The following NCAM1 variants were observed in gnomAD, a reference collection of about 807,000 sequenced individuals.
NCAM1 encodes antigen recognized by monoclonal antibody 5.1H11.
Under a neutral mutation model 109.8 loss-of-function variants are expected in NCAM1, and 14 were observed. That is an observed-to-expected ratio of 0.13 (90% CI 0.08 to 0.20). The LOEUF is 0.20. Ranked by LOEUF, NCAM1 falls within the 10% of genes least tolerant of loss-of-function variation. The pLI is 1.00. For synonymous variants in NCAM1, 418 were observed against 442.9 expected, an observed-to-expected ratio of 0.94 and a Z score of 0.70; for missense variants, 774 against 1,109.9, an observed-to-expected ratio of 0.70 and a Z score of 4.30.
intron 1 of NCAM1, among the ~76,000 whole-genome samples, chr11:113,072,502 G>A (rs999644378): frequency 6.6e-6 from 1 of 152,018 alleles, no homozygotes; most frequent in Non-Finnish European, 1.5e-5. Flanking sequence ...GAAAAAAAAA[G>A]CCAAATAAAT....
rs190451452 is a variant in NCAM1, at chr11:113,225,573, T to C, written c.1089+4248T>C. Among the ~76,000 whole-genome samples, 119 of 152,186 alleles carry C rather than the reference T, an allele frequency of 7.8e-4. 1 individual carries two copies. The Middle Eastern group carries it at 0.024, about 30-fold the overall frequency. ...CAGGCTAACATTCAAATTCAGGAAA[T>C]ACAGAGAAGTCCACAAAGATACTCC... On this transcript the variant is annotated intron_variant, in intron 9 of 19. Transcript: ENST00000316851.
chr11:113,163,676 T>C (rs2136377766), intron 1 of NCAM1, among the ~76,000 whole-genome samples: 1 of 152,272 alleles, frequency 6.6e-6, no homozygotes, highest in Non-Finnish European at 1.5e-5. Flanking sequence ...TGAGGAGCGT[T>C]CTGCTTGTTG....
chr11:113,197,903 A>T (rs539540177), intron 1 of NCAM1, among the ~76,000 whole-genome samples: 6 of 152,190 alleles, frequency 3.9e-5, no homozygotes, highest in African/African-American at 1.4e-4. Flanking sequence ...ATTTTAATTC[A>T]CTTTTCTTCA....
intron 1 of NCAM1, among the ~76,000 whole-genome samples, chr11:113,088,394 G>T (rs556752833): frequency 6.6e-6 from 1 of 152,176 alleles, no homozygotes; most frequent in Non-Finnish European, 1.5e-5. Context: ...TTCTGTTGTA[G>T]TCATTATAAG....
rs569524095 is a variant in NCAM1, at chr11:113,232,374, G to A, written c.1425+20G>A. ...CTGGAGGTGAGTCAGGATGGGGGTG[G>A]GACAGAGCAGAGAAAGCACAGTTTG... is the stretch of plus-strand genomic sequence containing the variant. On this transcript the variant is annotated intron_variant, in intron 11 of 19. Transcript: ENST00000316851. 42 of 1,586,728 alleles carry A rather than the reference G, an allele frequency of 2.6e-5. No homozygotes were observed. Among genetic ancestry groups the A allele is most frequent in the African/African-American group, 2.2e-4 (16 of 74,292 alleles).
At chr11:113,014,345 C>T (rs1326039178) in intron 1 of NCAM1, among the ~76,000 whole-genome samples, 1 of 152,052 alleles carries the variant, frequency 6.6e-6, no homozygotes, top group Non-Finnish European at 1.5e-5. Flanking sequence ...GGGGCTGGCT[C>T]CACTTAGTCC....
At chr11:113,124,223 G>A (rs1049470755) in intron 1 of NCAM1, among the ~76,000 whole-genome samples, 2 of 152,312 alleles carry the variant, frequency 1.3e-5, no homozygotes, top group South Asian at 4.1e-4. Context: ...CTGAGAAGGA[G>A]GAAGGAGGGG....
At chr11:113,096,194 A>G (rs1228624663) in intron 1 of NCAM1, among the ~76,000 whole-genome samples, 1 of 152,138 alleles carries the variant, frequency 6.6e-6, no homozygotes, top group Non-Finnish European at 1.5e-5. Context: ...TAACAACTCC[A>G]GGCTGAGCTG....
At chr11:113,173,109 T>A (rs1555106514) in intron 1 of NCAM1, among the ~76,000 whole-genome samples, 1 of 152,182 alleles carries the variant, frequency 6.6e-6, no homozygotes, top group Admixed American at 6.5e-5. Context: ...CCCTACACAA[T>A]GCCTGCACAA....
intron 1 of NCAM1, among the ~76,000 whole-genome samples, chr11:113,165,052 C>T (rs561491096): frequency 4.6e-5 from 7 of 152,080 alleles, no homozygotes; most frequent in Non-Finnish European, 7.4e-5. Context: ...AATTTTGTCA[C>T]GATATCACAG....
At chr11:113,236,351 T>C in intron 14 of NCAM1, 1 of 1,605,860 alleles carries the variant, frequency 6.2e-7, no homozygotes, top group Non-Finnish European at 8.5e-7. Context: ...CCTGTTTCCA[T>C]AGCGTTAACA....
At chr11:113,078,968 C>T (rs534369172) in intron 1 of NCAM1, among the ~76,000 whole-genome samples, 51 of 152,218 alleles carry the variant, frequency 3.4e-4, no homozygotes, top group African/African-American at 1.2e-3. Context: ...TCCTCCGAGC[C>T]GGGCTGGCTA....
intron 1 of NCAM1, among the ~76,000 whole-genome samples, chr11:113,148,857 A>G (rs1942119372): frequency 6.6e-6 from 1 of 152,112 alleles, no homozygotes; most frequent in Non-Finnish European, 1.5e-5. Flanking sequence ...GCTTCTCTGC[A>G]CAGCCATATG....
chr11:113,268,035 C>T (rs1477980373), intron 17 of NCAM1, among the ~76,000 whole-genome samples: 4 of 152,182 alleles, frequency 2.6e-5, no homozygotes, highest in South Asian at 2.1e-4. Context: ...TTACACCTAT[C>T]GGGTACTGAT....
intron 1 of NCAM1, among the ~76,000 whole-genome samples, chr11:113,003,693 A>G (rs1406490028): frequency 6.6e-6 from 1 of 152,228 alleles, no homozygotes; most frequent in Non-Finnish European, 1.5e-5. Context: ...CAGATTTGCT[A>G]TAGAAGAGAA....
At chr11:113,249,632 CA>C (rs1481443465) in intron 15 of NCAM1, among the ~76,000 whole-genome samples, 1 of 152,324 alleles carries the variant, frequency 6.6e-6, no homozygotes, top group Non-Finnish European at 1.5e-5. Context: ...TTGATGATAG[CA>C]GTTATTTCTG....
chr11:112,998,555 C>T (rs1352005413), intron 1 of NCAM1, among the ~76,000 whole-genome samples: 4 of 152,022 alleles, frequency 2.6e-5, no homozygotes, highest in Admixed American at 6.6e-5. Context: ...CAAATAATTG[C>T]CCCACCCTCA....
At chr11:113,175,300 G>A (rs1943113038) in intron 1 of NCAM1, among the ~76,000 whole-genome samples, 1 of 152,224 alleles carries the variant, frequency 6.6e-6, no homozygotes, top group African/African-American at 2.4e-5. Flanking sequence ...TGGCGGCTGT[G>A]TGTACTGTTT....
chr11:113,228,688 C>T (rs1313043601), intron 9 of NCAM1, among the ~76,000 whole-genome samples: 1 of 152,174 alleles, frequency 6.6e-6, no homozygotes, highest in Non-Finnish European at 1.5e-5. Context: ...AACTATACTA[C>T]AAGACTACAG....
Sources: allele counts gnomAD v4.1 joint callset (sites outside exome capture counted in the v4.1 genomes callset), GRCh38; gene constraint gnomAD v4.1.1; transcripts MANE v1.5; gene names NCBI Gene and HGNC (gene_info 2026-07-23, HGNC 2026-07-21).